RSPH14: variants seen among roughly 807,000 people sequenced by gnomAD.
RSPH14 encodes rhabdoid tumor deletion region gene 1.
A neutral mutation model predicts 26.7 loss-of-function variants in RSPH14; 20 were observed. The observed-to-expected ratio is 0.75, with a 90% CI of 0.53 to 1.09. RSPH14 has a LOEUF of 1.09. RSPH14 is among the 50% of genes least tolerant of loss of function. The pLI is 0.00. For missense variants in RSPH14, 449 were observed against 457.2 expected, an observed-to-expected ratio of 0.98 and a Z score of 0.16; for synonymous variants, 177 against 189.3, an observed-to-expected ratio of 0.93 and a Z score of 0.53.
upstream of RSPH14, among the ~76,000 whole-genome samples, chr22:23,142,880 C>T (rs1389463923): frequency 6.6e-6 from 1 of 152,212 alleles, no homozygotes; most frequent in African/African-American, 2.4e-5. Flanking sequence ...TGCTCCAGTC[C>T]CTGGGTGATG....
chr22:23,130,089 AAGAAAGAAAGAAAGAAAGAAAG>A (rs2070293655), intron 4 of RSPH14, among the ~76,000 whole-genome samples: 20 of 19,088 alleles, frequency 1.0e-3, no homozygotes, highest in Admixed American at 2.4e-3. Flanking sequence ...GAAAGGAAGA[AAGAAAGAAAGAAAGAAAGAAAG>A]AAAGAAAGAA....
At chr22:23,151,264 C>T in the RSPH14 span, among the ~76,000 whole-genome samples, 1 of 152,250 alleles carries the variant, frequency 6.6e-6, no homozygotes, top group African/African-American at 2.4e-5. Context: ...GTGCTTCACA[C>T]AGATGATCTC....
chr22:23,130,408 C>T (rs772577643), intron 4 of RSPH14, among the ~76,000 whole-genome samples: 32 of 149,968 alleles, frequency 2.1e-4, no homozygotes, highest in Non-Finnish European at 4.3e-4. Flanking sequence ...TGAGCTGAGA[C>T]TGCACCAGTG....
At chr22:23,157,904 GT>G in the RSPH14 span, 1 of 1,594,748 alleles carries the variant, frequency 6.3e-7, no homozygotes, top group African/African-American at 1.3e-5. Flanking sequence ...TGCCCTGGCA[GT>G]TCCTTGGGAG....
chr22:23,157,885 T>C, the RSPH14 span: 4 of 1,579,626 alleles, frequency 2.5e-6, no homozygotes, highest in Non-Finnish European at 3.4e-6. Context: ...GAGTGCCTGG[T>C]TGGGGGGCTG....
At chr22:23,109,584 A>T (rs1209418911) in intron 4 of RSPH14, among the ~76,000 whole-genome samples, 1 of 152,084 alleles carries the variant, frequency 6.6e-6, no homozygotes, top group East Asian at 1.9e-4. Context: ...ACCAGTGTGG[A>T]GTTGAGAGCC....
chr22:23,161,009 G>C, the RSPH14 span: 1 of 1,594,606 alleles, frequency 6.3e-7, no homozygotes, highest in Non-Finnish European at 8.6e-7. Context: ...GTGAGTATAG[G>C]TGTGACTGGG....
At chr22:23,084,942 TG>T (rs1469814893) in intron 4 of RSPH14, among the ~76,000 whole-genome samples, 1 of 152,204 alleles carries the variant, frequency 6.6e-6, no homozygotes, top group East Asian at 1.9e-4. Context: ...CATTGCACAC[TG>T]GAGGTTATGA....
the RSPH14 span, chr22:23,150,270 G>A: frequency 1.3e-6 from 1 of 784,802 alleles, no homozygotes; most frequent in Non-Finnish European, 2.1e-6. Context: ...GCCCTGTACA[G>A]GCCTGAAGAT....
At chr22:23,164,241 G>T in the RSPH14 span, 1 of 152,322 alleles carries the variant, frequency 6.6e-6, no homozygotes, top group Non-Finnish European at 1.5e-5. Flanking sequence ...GTTTGCGGGG[G>T]TGGGTGTGGT....
chr22:23,139,951 C>T (rs1257921279), intron 2 of RSPH14, among the ~76,000 whole-genome samples: 4 of 152,232 alleles, frequency 2.6e-5, no homozygotes, highest in Admixed American at 2.0e-4. Context: ...GTCCTAGTTA[C>T]TCAGGAAGCT....
chr22:23,061,407 T>C (rs1229655416), intron 6 of RSPH14, among the ~76,000 whole-genome samples: 1 of 151,990 alleles, frequency 6.6e-6, no homozygotes, highest in Non-Finnish European at 1.5e-5. Context: ...TTAAGAAAAA[T>C]AATTAGGATG....
Position 23,071,316 on chromosome 22 carries a change from G to T in RSPH14, c.422-7183C>A, listed in dbSNP as rs942532643. Among the ~76,000 whole-genome samples, 1 of 152,222 alleles carries T rather than the reference G, an allele frequency of 6.6e-6. No homozygotes were observed. The highest frequency in any genetic ancestry group is 2.4e-5 in the African/African-American group (1 of 41,460). On this transcript the variant is annotated intron_variant, in intron 4 of 6. Coordinates refer to ENST00000216036, the MANE Select transcript of RSPH14 (RefSeq NM_014433.3). The surrounding 1 kb of genome is among the most constrained non-coding windows in gnomAD (Gnocchi z 4.1). ...AGGGCGGTGCTGAGCCTTCCTGGGT[G>T]ATGATGGCAGGATTCGGCCTAGGCC... is the stretch of plus-strand genomic sequence containing the variant.
intron 4 of RSPH14, among the ~76,000 whole-genome samples, chr22:23,094,869 A>G (rs973531002): frequency 3.3e-5 from 5 of 152,242 alleles, no homozygotes; most frequent in South Asian, 2.1e-4. Flanking sequence ...AAAACAGGGC[A>G]AGGCTGAGCT....
At chr22:23,086,654 C>T (rs543403574) in intron 4 of RSPH14, among the ~76,000 whole-genome samples, 11 of 152,362 alleles carry the variant, frequency 7.2e-5, no homozygotes, top group African/African-American at 2.6e-4. Flanking sequence ...CCCACAGTTG[C>T]CCCTGACCTC....
intron 2 of RSPH14, among the ~76,000 whole-genome samples, chr22:23,139,779 A>C (rs1452699096): frequency 4.6e-5 from 7 of 152,206 alleles, no homozygotes; most frequent in Non-Finnish European, 1.5e-5. Flanking sequence ...AAGATAATCC[A>C]GGCTGGGTGT....
chr22:23,079,600 G>A (rs1446016784), intron 4 of RSPH14, among the ~76,000 whole-genome samples: 1 of 152,204 alleles, frequency 6.6e-6, no homozygotes, highest in Non-Finnish European at 1.5e-5. Flanking sequence ...GCACAAGTGA[G>A]ACATACTCTG....
the RSPH14 span, chr22:23,162,047 A>G: frequency 5.9e-6 from 1 of 168,184 alleles, no homozygotes; most frequent in East Asian, 1.8e-4. Context: ...AGGAGAGGCC[A>G]CCTGCCATTC....
At chr22:23,102,357 G>A (rs1179523192) in intron 4 of RSPH14, among the ~76,000 whole-genome samples, 1 of 152,206 alleles carries the variant, frequency 6.6e-6, no homozygotes, top group Non-Finnish European at 1.5e-5. Context: ...CCTATTTGAG[G>A]CCCTTGCTAG....
Sources: allele counts gnomAD v4.1 joint callset (sites outside exome capture counted in the v4.1 genomes callset), GRCh38; gene constraint gnomAD v4.1.1; non-coding constraint Gnocchi (gnomAD v3.1); transcripts MANE v1.5; gene names NCBI Gene and HGNC (gene_info 2026-07-23, HGNC 2026-07-21).